Variants in ADAMTSL1 observed in about 807,000 individuals in gnomAD.
The protein encoded by ADAMTSL1 is ADAMTS like 1.
Under a neutral mutation model 201.8 loss-of-function variants are expected in ADAMTSL1, and 126 were observed. That is an observed-to-expected ratio of 0.62 (90% CI 0.54 to 0.72). ADAMTSL1 has a LOEUF of 0.72. Ranked by LOEUF, ADAMTSL1 falls within the 30% of genes least tolerant of loss-of-function variation. ADAMTSL1 has a pLI of 0.00. For synonymous variants in ADAMTSL1, 1,121 were observed against 903.4 expected (o/e 1.24, Z -4.32); for missense variants, 2,679 against 2,277.8 (o/e 1.18, Z -3.59).
chr9:18,749,395 T>G (rs1819327650), intron 15 of ADAMTSL1, among the ~76,000 whole-genome samples: 1 of 152,124 alleles, frequency 6.6e-6, no homozygotes, highest in African/African-American at 2.4e-5. Context: ...AGTAGCATTT[T>G]AAATGGAAAG....
chr9:18,080,808 C>T (rs1823466071), intron 1 of ADAMTSL1, among the ~76,000 whole-genome samples: 1 of 152,174 alleles, frequency 6.6e-6, no homozygotes. Context: ...ACTTAATAGT[C>T]ATTCTGTCAT....
intron 2 of ADAMTSL1, among the ~76,000 whole-genome samples, chr9:18,292,098 G>A (rs1833296747): frequency 6.6e-6 from 1 of 152,134 alleles, no homozygotes; most frequent in Non-Finnish European, 1.5e-5. Context: ...TCAGAGCAGT[G>A]TTAGGCACTG....
intron 2 of ADAMTSL1, among the ~76,000 whole-genome samples, chr9:18,430,052 A>T (rs1301691923): frequency 6.6e-6 from 1 of 152,092 alleles, no homozygotes; most frequent in East Asian, 1.9e-4. Context: ...AGCCTCCCAA[A>T]GTGCTGGGAT....
chr9:17,930,564 A>T (rs1046547334), intron 1 of ADAMTSL1, among the ~76,000 whole-genome samples: 1 of 152,222 alleles, frequency 6.6e-6, no homozygotes, highest in Non-Finnish European at 1.5e-5. Flanking sequence ...TTGTGCTTGG[A>T]GAGTCATAAA....
intron 2 of ADAMTSL1, among the ~76,000 whole-genome samples, chr9:18,291,846 C>T (rs1325558187): frequency 2.6e-5 from 4 of 151,894 alleles, no homozygotes; most frequent in African/African-American, 7.3e-5. Context: ...CCTCTAGACA[C>T]TAAGAATGCC....
At chr9:18,468,829 T>C (rs942465812) in intron 2 of ADAMTSL1, among the ~76,000 whole-genome samples, 1 of 152,178 alleles carries the variant, frequency 6.6e-6, no homozygotes. Flanking sequence ...TTAAGTCTTG[T>C]AGGGAGAACC....
intron 4 of ADAMTSL1, among the ~76,000 whole-genome samples, chr9:18,580,741 A>G (rs1366304994): frequency 1.3e-5 from 2 of 152,184 alleles, no homozygotes; most frequent in African/African-American, 4.8e-5. Context: ...TGTCTAACAA[A>G]TTTTACTTAG....
intron 4 of ADAMTSL1, among the ~76,000 whole-genome samples, chr9:18,611,498 CA>C (rs1825362868): frequency 6.6e-6 from 1 of 151,990 alleles, no homozygotes; most frequent in East Asian, 1.9e-4. Flanking sequence ...AAACAATACA[CA>C]AAAAAATCCA....
Position 18,077,680 on chromosome 9 carries a change from T to G in ADAMTSL1, c.88-86182T>G, listed in dbSNP as rs558824294. On this transcript the variant is annotated intron_variant, in intron 1 of 29. Transcript: ENST00000680146. ...AGTAAATGCTACTTGTGTGAGAAGT[T>G]GAATTGTGAACAAAATAAGAGAAAT... Among the ~76,000 whole-genome samples the G allele has an allele frequency of 7.6e-4, 116 of 152,238 alleles. 1 individual carries two copies. The highest frequency in any genetic ancestry group is 2.8e-3 in the African/African-American group (115 of 41,536).
intron 9 of ADAMTSL1, among the ~76,000 whole-genome samples, chr9:18,663,154 G>T (rs1829210118): frequency 6.6e-6 from 1 of 152,048 alleles, no homozygotes; most frequent in South Asian, 2.1e-4. Flanking sequence ...ATTTCTTGAG[G>T]TGTATATTCC....
chr9:18,035,009 T>A (rs1375975332), intron 1 of ADAMTSL1, among the ~76,000 whole-genome samples: 2 of 152,228 alleles, frequency 1.3e-5, no homozygotes, highest in African/African-American at 2.4e-5. Flanking sequence ...TATGATTGTC[T>A]CAGGTTTGAT....
intron 1 of ADAMTSL1, among the ~76,000 whole-genome samples, chr9:17,950,976 A>G (rs1358123277): frequency 6.6e-6 from 1 of 152,070 alleles, no homozygotes; most frequent in Non-Finnish European, 1.5e-5. Flanking sequence ...TCCTAGAGAG[A>G]GCTGTCTAGA....
chr9:18,249,693 T>C (rs182909493), intron 2 of ADAMTSL1, among the ~76,000 whole-genome samples: 10 of 152,342 alleles, frequency 6.6e-5, no homozygotes, highest in Non-Finnish European at 1.3e-4. Flanking sequence ...AATCAACCAT[T>C]ACATTTCTTG....
At chr9:18,007,819 G>A (rs1174810578) in intron 1 of ADAMTSL1, among the ~76,000 whole-genome samples, 1 of 151,950 alleles carries the variant, frequency 6.6e-6, no homozygotes, top group African/African-American at 2.4e-5. Context: ...GGGGAGAATA[G>A]ACTTGATTTA....
intron 1 of ADAMTSL1, among the ~76,000 whole-genome samples, chr9:17,987,128 A>T (rs1293781466): frequency 6.6e-6 from 1 of 152,074 alleles, no homozygotes; most frequent in Non-Finnish European, 1.5e-5. Flanking sequence ...TTCGGAGAGT[A>T]TCTGTAAGTT....
At chr9:18,028,238 T>G (rs1261085805) in intron 1 of ADAMTSL1, among the ~76,000 whole-genome samples, 2 of 152,054 alleles carry the variant, frequency 1.3e-5, no homozygotes, top group East Asian at 3.9e-4. Flanking sequence ...TGTAGTTGCT[T>G]TAGGAGTCTG....
intron 2 of ADAMTSL1, among the ~76,000 whole-genome samples, chr9:18,405,126 G>A (rs1818135671): frequency 1.3e-5 from 2 of 152,112 alleles, no homozygotes; most frequent in Non-Finnish European, 2.9e-5. Context: ...TACCTGTATA[G>A]CTGCATCTTT....
intron 26 of ADAMTSL1, among the ~76,000 whole-genome samples, chr9:18,904,561 G>A (rs909095928): frequency 7.1e-6 from 1 of 140,878 alleles, no homozygotes; most frequent in Non-Finnish European, 1.5e-5. Context: ...TTGAGCCTGG[G>A]AGGTGAAGGC....
intron 1 of ADAMTSL1, among the ~76,000 whole-genome samples, chr9:18,051,468 C>T (rs1002495682): frequency 6.6e-5 from 10 of 151,582 alleles, no homozygotes; most frequent in Admixed American, 6.6e-4. Flanking sequence ...TCCTGTTGGG[C>T]TATATGGTAT....
Sources: gnomAD v4.1 joint callset for allele counts (sites outside exome capture counted in the v4.1 genomes callset) on GRCh38, gnomAD v4.1.1 for gene constraint, MANE v1.5 for transcripts, NCBI Gene and HGNC (gene_info 2026-07-23, HGNC 2026-07-21) for gene names.